CACNB4: variants seen among roughly 807,000 people sequenced by gnomAD.
The protein encoded by CACNB4 is voltage-dependent L-type calcium channel subunit beta-4.
CACNB4 carries 32 observed loss-of-function variants against 71.2 expected under a neutral mutation model. The ratio of observed to expected loss-of-function variants is 0.45; its 90% confidence interval spans 0.34 to 0.60. CACNB4 has a LOEUF of 0.60. Among genes scored for constraint, CACNB4 ranks in the 20% least tolerant of loss-of-function variants. The probability of loss-of-function intolerance (pLI) is 0.01; values close to 1 mark genes in which losing one functional copy is unlikely to be tolerated. For missense variants in CACNB4, 464 were observed against 647.9 expected, an observed-to-expected ratio of 0.72 and a Z score of 3.08; for synonymous variants, 231 against 236.9, an observed-to-expected ratio of 0.97 and a Z score of 0.23.
At chr2:152,074,602 C>G (rs1209928430) in intron 2 of CACNB4, among the ~76,000 whole-genome samples, 1 of 136,322 alleles carries the variant, frequency 7.3e-6, no homozygotes, top group Non-Finnish European at 1.6e-5. Flanking sequence ...CCCCACCCTC[C>G]TCTCCACCAT....
intron 2 of CACNB4, among the ~76,000 whole-genome samples, chr2:151,900,368 C>T (rs2151502151): frequency 6.6e-6 from 1 of 152,296 alleles, no homozygotes; most frequent in Non-Finnish European, 1.5e-5. Context: ...AAGAAAGGTG[C>T]ATGGAGAAGT....
rs2099834568 is a variant in CACNB4 at position 151,834,899 on chromosome 2, T to C, written c.*4220A>G. On this transcript the variant is annotated 3_prime_UTR_variant, in exon 14 of 14. Coordinates refer to ENST00000539935, the MANE Select transcript of CACNB4 (RefSeq NM_000726.5). ...TCATTCAAGGATGAGTTTTATATAA[T>C]TTAAAAAAACACAACATGCAACATT... 6.6e-6 allele frequency: 1 copy of C among 151,862 alleles called. No homozygotes were observed. Among genetic ancestry groups the C allele is most frequent in the South Asian group, 2.1e-4 (1 of 4,828 alleles). The allele number at this position is 151,862 out of a possible 1,614,324, so 9.4% of individuals were successfully genotyped here.
chr2:151,866,062 G>C (rs1471796244), intron 9 of CACNB4: 1 of 152,194 alleles, frequency 6.6e-6, no homozygotes, highest in Non-Finnish European at 1.5e-5. Flanking sequence ...TGGGATTATA[G>C]GCATGAGCCA....
intron 2 of CACNB4, among the ~76,000 whole-genome samples, chr2:151,991,569 A>ACTGAAAAATGGGGT (rs1681705628): frequency 6.6e-6 from 1 of 152,208 alleles, no homozygotes; most frequent in Non-Finnish European, 1.5e-5. Flanking sequence ...CATGCCAAAA[A>ACTGAAAAATGGGGT]CTGAAAAATG....
chr2:151,964,769 A>G (rs1404166730), intron 2 of CACNB4, among the ~76,000 whole-genome samples: 1 of 152,178 alleles, frequency 6.6e-6, no homozygotes, highest in Non-Finnish European at 1.5e-5. Context: ...TTTACGTACC[A>G]AATTTTTGGG....
intron 2 of CACNB4, among the ~76,000 whole-genome samples, chr2:151,911,740 C>T (rs1376094996): frequency 2.6e-5 from 4 of 152,100 alleles, no homozygotes; most frequent in Non-Finnish European, 5.9e-5. Context: ...GGAATAGTTT[C>T]AGAAGAAATG....
At chr2:151,919,694 G>C (rs4664508) in intron 2 of CACNB4, among the ~76,000 whole-genome samples, 1 of 151,688 alleles carries the variant, frequency 6.6e-6, no homozygotes, top group South Asian at 2.1e-4. Flanking sequence ...CTCCTTTTTT[G>C]CCTCCCTCCT....
intron 5 of CACNB4, among the ~76,000 whole-genome samples, chr2:151,875,429 A>G (rs1273110705): frequency 1.7e-4 from 26 of 151,712 alleles, no homozygotes; most frequent in African/African-American, 5.1e-4. Context: ...CGATTTCTCA[A>G]TCTTTTCCCC....
chr2:151,870,453 C>A, intron 8 of CACNB4, 78 bp downstream of exon 8: 1 of 1,220,044 alleles, frequency 8.2e-7, no homozygotes, highest in African/African-American at 1.5e-5. Context: ...GGAAACAGAC[C>A]CTTGAGGAGC....
chr2:152,018,321 T>C (rs1468337483), intron 2 of CACNB4, among the ~76,000 whole-genome samples: 2 of 151,878 alleles, frequency 1.3e-5, no homozygotes, highest in Admixed American at 1.3e-4. Flanking sequence ...AATACCAACA[T>C]TCAAAGAAGC....
At chr2:152,023,846 T>C (rs905260670) in intron 2 of CACNB4, among the ~76,000 whole-genome samples, 2 of 152,222 alleles carry the variant, frequency 1.3e-5, no homozygotes, top group Admixed American at 1.3e-4. Flanking sequence ...ATTGAAAACA[T>C]TTATGTTATC....
chr2:152,025,192 A>G (rs898293681), intron 2 of CACNB4, among the ~76,000 whole-genome samples: 1 of 152,242 alleles, frequency 6.6e-6, no homozygotes, highest in Non-Finnish European at 1.5e-5. Context: ...AGCAAATTCT[A>G]TTCTCCTAAT....
At chr2:152,013,748 C>T (rs1477393996) in intron 2 of CACNB4, among the ~76,000 whole-genome samples, 1 of 152,150 alleles carries the variant, frequency 6.6e-6, no homozygotes, top group Admixed American at 6.5e-5. Flanking sequence ...ATCGCAAAGC[C>T]CTGGTAACTC....
intron 2 of CACNB4, among the ~76,000 whole-genome samples, chr2:151,953,597 A>C (rs962308671): frequency 1.3e-5 from 2 of 152,194 alleles, no homozygotes; most frequent in Non-Finnish European, 2.9e-5. Context: ...AATTGTCCAA[A>C]TCCAAACAGT....
chr2:151,943,853 T>C (rs759419412), intron 2 of CACNB4, among the ~76,000 whole-genome samples: 1 of 152,206 alleles, frequency 6.6e-6, no homozygotes, highest in Non-Finnish European at 1.5e-5. Context: ...CAAAGGCTGA[T>C]GAACAATTAT....
chr2:151,890,844 T>G (rs532767391), intron 2 of CACNB4, among the ~76,000 whole-genome samples: 1 of 152,330 alleles, frequency 6.6e-6, no homozygotes, highest in Admixed American at 6.5e-5. Flanking sequence ...GTTTGTGAAT[T>G]TCTTTGAGTT....
intron 2 of CACNB4, among the ~76,000 whole-genome samples, chr2:152,080,845 C>A (rs1687323209): frequency 6.6e-6 from 1 of 152,052 alleles, no homozygotes; most frequent in Non-Finnish European, 1.5e-5. Flanking sequence ...GCTTTGAGTT[C>A]ATGCGAGATC....
intron 2 of CACNB4, among the ~76,000 whole-genome samples, chr2:151,955,884 C>T (rs1037981302): frequency 3.4e-5 from 5 of 145,866 alleles, no homozygotes; most frequent in African/African-American, 5.1e-5. Context: ...CCTGGGCCAA[C>T]AGAGCAAGGC....
chr2:152,058,191 C>T (rs1316397490), intron 2 of CACNB4, among the ~76,000 whole-genome samples: 1 of 152,168 alleles, frequency 6.6e-6, no homozygotes, highest in East Asian at 1.9e-4. Context: ...AATTAAACCT[C>T]TATCCTTTAT....
Sources: allele counts gnomAD v4.1 joint callset (sites outside exome capture counted in the v4.1 genomes callset), GRCh38; gene constraint gnomAD v4.1.1; transcripts MANE v1.5; gene names NCBI Gene and HGNC (gene_info 2026-07-23, HGNC 2026-07-21).